Variants in JARID2 observed in about 807,000 individuals in gnomAD.
JARID2 encodes the protein jumonji and AT-rich interaction domain containing 2.
In JARID2, 21 loss-of-function variants were observed where a neutral mutation model predicts 125.6. That is an observed-to-expected ratio of 0.17 (90% CI 0.12 to 0.24). The LOEUF is 0.24. Ranked by LOEUF, JARID2 falls within the 10% of genes least tolerant of loss-of-function variation. The pLI is 1.00. For missense variants in JARID2, 1,303 were observed against 1,639.6 expected (o/e 0.79, Z 3.55); for synonymous variants, 736 against 661.6 (o/e 1.11, Z -1.73).
At chr6:15,416,617 C>T (rs1272709050) in intron 3 of JARID2, among the ~76,000 whole-genome samples, 2 of 150,952 alleles carry the variant, frequency 1.3e-5, no homozygotes, top group African/African-American at 4.9e-5. Context: ...AGGGAGGCTG[C>T]AGTGAGCCGA....
chr6:15,424,814 G>A (rs1262250339), intron 3 of JARID2, among the ~76,000 whole-genome samples: 3 of 152,124 alleles, frequency 2.0e-5, no homozygotes, highest in Admixed American at 6.5e-5. Flanking sequence ...AGCTGAGATC[G>A]TGCCATTGCA....
chr6:15,258,339 C>T (rs1287392712), intron 1 of JARID2, among the ~76,000 whole-genome samples: 1 of 152,158 alleles, frequency 6.6e-6, no homozygotes, highest in African/African-American at 2.4e-5. Context: ...AGTTGAGGAT[C>T]TCTGCTCTGT....
At chr6:15,507,726 G>C (rs1051666074) in intron 11 of JARID2, among the ~76,000 whole-genome samples, 1 of 152,220 alleles carries the variant, frequency 6.6e-6, no homozygotes, top group African/African-American at 2.4e-5. Context: ...GCTACTGCAG[G>C]CTTGAAATCA....
At chr6:15,498,200 C>T (rs1770559742) in intron 7 of JARID2, among the ~76,000 whole-genome samples, 1 of 152,108 alleles carries the variant, frequency 6.6e-6, no homozygotes, top group African/African-American at 2.4e-5. Context: ...GTTTCTCTGG[C>T]GATTTTGTCA....
At chr6:15,396,633 C>T (rs561823542) in intron 2 of JARID2, among the ~76,000 whole-genome samples, 5 of 152,160 alleles carry the variant, frequency 3.3e-5, no homozygotes, top group African/African-American at 4.8e-5. Context: ...GCAGAGCATT[C>T]ACGTCCTGGG....
chr6:15,488,300 G>A (rs1769981501), intron 6 of JARID2, among the ~76,000 whole-genome samples: 1 of 152,230 alleles, frequency 6.6e-6, no homozygotes, highest in Non-Finnish European at 1.5e-5. Context: ...ATGAGTAGTG[G>A]GGATAAGGGC....
At chr6:15,431,504 G>T (rs1766966481) in intron 3 of JARID2, among the ~76,000 whole-genome samples, 1 of 152,196 alleles carries the variant, frequency 6.6e-6, no homozygotes, top group African/African-American at 2.4e-5. Context: ...GACAGTGACG[G>T]CTTGTGCCTT....
intron 1 of JARID2, among the ~76,000 whole-genome samples, chr6:15,303,846 G>A (rs913425769): frequency 1.3e-5 from 2 of 152,128 alleles, no homozygotes; most frequent in African/African-American, 4.8e-5. Context: ...CTTCTTTTTA[G>A]TTCACCTGGG....
intron 1 of JARID2, among the ~76,000 whole-genome samples, chr6:15,289,195 C>G (rs918082165): frequency 6.6e-6 from 1 of 151,856 alleles, no homozygotes; most frequent in Admixed American, 6.6e-5. Context: ...TCGAGGGACA[C>G]AAGAATAATG....
intron 2 of JARID2, among the ~76,000 whole-genome samples, chr6:15,381,595 T>G (rs1764591256): frequency 6.6e-6 from 1 of 152,224 alleles, no homozygotes; most frequent in Non-Finnish European, 1.5e-5. Context: ...ACTTATTTTT[T>G]GTTTACAAAG....
intron 3 of JARID2, among the ~76,000 whole-genome samples, chr6:15,419,412 C>G (rs999818105): frequency 6.6e-6 from 1 of 152,108 alleles, no homozygotes; most frequent in Non-Finnish European, 1.5e-5. Context: ...GGGTAAATCT[C>G]GCCTATCTTC....
At chr6:15,248,528 T>TGGC (rs1208338413) in intron 1 of JARID2, 1 of 147,878 alleles carries the variant, frequency 6.8e-6, no homozygotes, top group East Asian at 2.0e-4. Flanking sequence ...CGGCCGAGCA[T>TGGC]GGCGGCGGCG....
At chr6:15,356,049 A>G (rs1763588852) in intron 1 of JARID2, among the ~76,000 whole-genome samples, 1 of 152,162 alleles carries the variant, frequency 6.6e-6, no homozygotes, top group Admixed American at 6.5e-5. Flanking sequence ...CCTATTCTGG[A>G]GACTTCGTAG....
chr6:15,410,771 T>C (rs1488635210), intron 3 of JARID2, among the ~76,000 whole-genome samples: 1 of 152,240 alleles, frequency 6.6e-6, no homozygotes, highest in Non-Finnish European at 1.5e-5. Context: ...CTGAGACGTT[T>C]TTTCCTTGTC....
At chr6:15,292,141 C>G (rs551495684) in intron 1 of JARID2, among the ~76,000 whole-genome samples, 9 of 151,940 alleles carry the variant, frequency 5.9e-5, no homozygotes, top group African/African-American at 2.2e-4. Flanking sequence ...CTCAGCCTCC[C>G]GAGTAGCTGG....
rs755916232 is a variant in JARID2, at chr6:15,501,443, G to A, written c.2448+34G>A. The A allele has an allele frequency of 3.3e-6, 5 of 1,511,056 alleles. No homozygotes were observed. The African/African-American group carries it at 7.0e-5, about 21-fold the overall frequency. 93.6% of individuals were successfully genotyped at this position (1,511,056 alleles called of 1,614,324 possible). A position where few individuals can be genotyped will look rare whatever the true frequency, so the allele number is the denominator to read the frequency against. On this transcript the variant is annotated intron_variant, in intron 8 of 17. Transcript: ENST00000341776. ...CTCCGCAGAGCAGCCACTCCCAGCTGCAGGAGTGCGGGAGGAATGAGAGAG... is the reference window on the plus strand; with the variant it reads ...CTCCGCAGAGCAGCCACTCCCAGCTACAGGAGTGCGGGAGGAATGAGAGAG...
chr6:15,431,890 G>A (rs572764577), intron 3 of JARID2, among the ~76,000 whole-genome samples: 1 of 152,122 alleles, frequency 6.6e-6, no homozygotes, highest in East Asian at 1.9e-4. Context: ...CACTGGAAAG[G>A]ACTCTTATCT....
At chr6:15,337,737 G>T (rs1762927403) in intron 1 of JARID2, among the ~76,000 whole-genome samples, 1 of 151,812 alleles carries the variant, frequency 6.6e-6, no homozygotes, top group South Asian at 2.1e-4. Context: ...GAGTGAGAAG[G>T]GTCCCCCTCC....
At chr6:15,445,686 T>C (rs1479540648) in intron 3 of JARID2, among the ~76,000 whole-genome samples, 1 of 152,154 alleles carries the variant, frequency 6.6e-6, no homozygotes, top group Non-Finnish European at 1.5e-5. Context: ...TGGGAACAGT[T>C]GTGCTGTGTG....
Sources: allele counts gnomAD v4.1 joint callset (sites outside exome capture counted in the v4.1 genomes callset), GRCh38; gene constraint gnomAD v4.1.1; transcripts MANE v1.5; gene names NCBI Gene and HGNC (gene_info 2026-07-23, HGNC 2026-07-21).